IMPG1: variants seen among roughly 807,000 people sequenced by gnomAD.
The protein encoded by IMPG1 is interphotoreceptor matrix proteoglycan of 150 kDa.
Under a neutral mutation model 92.0 loss-of-function variants are expected in IMPG1, and 85 were observed. The observed-to-expected ratio is 0.92, with a 90% CI of 0.78 to 1.11. The LOEUF (loss-of-function observed/expected upper bound fraction) is 1.11. Ranked by LOEUF, IMPG1 falls within the 50% of genes least tolerant of loss-of-function variation. The probability of loss-of-function intolerance (pLI) is 0.00; values close to 1 mark genes in which losing one functional copy is unlikely to be tolerated. For missense variants in IMPG1, 1,022 were observed against 956.0 expected, an observed-to-expected ratio of 1.07 and a Z score of -0.91; for synonymous variants, 367 against 334.1, an observed-to-expected ratio of 1.10 and a Z score of -1.08.
At chr6:76,055,563 A>G (rs1203681897) in intron 1 of IMPG1, among the ~76,000 whole-genome samples, 1 of 151,868 alleles carries the variant, frequency 6.6e-6, no homozygotes, top group African/African-American at 2.4e-5. Context: ...AGAGTAATAA[A>G]ATGTGAAAGA....
chr6:75,996,110 G>GTGCCC (rs1306605857), intron 12 of IMPG1, among the ~76,000 whole-genome samples: 3 of 152,204 alleles, frequency 2.0e-5, no homozygotes, highest in Admixed American at 2.0e-4. Context: ...GTGGCCTACA[G>GTGCCC]TGCCCCTGGA....
Position 76,041,881 on chromosome 6 carries a change from C to T in IMPG1, c.301+12G>A, listed in dbSNP as rs1395757011. ...ATAACACAAGGCTAAACGGTTTCAT[C>T]TCTTTCCTTACCTCTCAATCTATAA... On this transcript the variant is annotated intron_variant, in intron 2 of 16. Coordinates refer to ENST00000369950, the MANE Select transcript of IMPG1 (RefSeq NM_001563.4). The T allele has an allele frequency of 6.5e-6, 10 of 1,541,276 alleles. No homozygotes were observed. In the South Asian group the frequency reaches 1.1e-4, roughly 17 times the overall value.
At chr6:75,969,271 G>A (rs771724137) in intron 12 of IMPG1, among the ~76,000 whole-genome samples, 3 of 152,002 alleles carry the variant, frequency 2.0e-5, no homozygotes, top group Non-Finnish European at 2.9e-5. Flanking sequence ...GCAACGTATT[G>A]TATTTTAAAA....
chr6:76,049,067 A>G (rs1249344512), intron 1 of IMPG1, among the ~76,000 whole-genome samples: 1 of 152,214 alleles, frequency 6.6e-6, no homozygotes, highest in Admixed American at 6.5e-5. Context: ...GTGAAGCTGG[A>G]GGCCATTATC....
intron 2 of IMPG1, among the ~76,000 whole-genome samples, chr6:76,039,102 A>G (rs952448253): frequency 1.3e-5 from 2 of 152,144 alleles, no homozygotes; most frequent in African/African-American, 4.8e-5. Flanking sequence ...GTACAACGGG[A>G]GTGTTGGCTA....
At chr6:75,990,172 A>G (rs1389289405) in intron 12 of IMPG1, among the ~76,000 whole-genome samples, 2 of 152,226 alleles carry the variant, frequency 1.3e-5, no homozygotes, top group East Asian at 3.8e-4. Flanking sequence ...CTGACTTTAG[A>G]TGATATTTAG....
intron 15 of IMPG1, among the ~76,000 whole-genome samples, chr6:75,928,284 C>A (rs1781595224): frequency 6.6e-6 from 1 of 151,958 alleles, no homozygotes; most frequent in Admixed American, 6.6e-5. Flanking sequence ...ACTGCAACCT[C>A]CACCTCCTGG....
chr6:75,986,170 T>G (rs1320256378), intron 12 of IMPG1, among the ~76,000 whole-genome samples: 2 of 152,148 alleles, frequency 1.3e-5, no homozygotes, highest in African/African-American at 4.8e-5. Flanking sequence ...CATTTACATA[T>G]TATCTTGAGT....
At chr6:75,963,951 C>T (rs1782254888) in intron 12 of IMPG1, among the ~76,000 whole-genome samples, 1 of 152,210 alleles carries the variant, frequency 6.6e-6, no homozygotes, top group South Asian at 2.1e-4. Context: ...CAGGCAAATG[C>T]ACTAATTGCT....
rs1562380938 is a variant in IMPG1, at chr6:76,041,984, T to C, written c.210A>G (p.Arg70=). 3.7e-6 allele frequency: 6 copies of C among 1,614,024 alleles called. No homozygotes were observed. Among genetic ancestry groups the C allele is most frequent in the Non-Finnish European group, 4.2e-6 (5 of 1,179,898 alleles). ...TAACCCCCGTTGGGAAAAATGCGGA[T>C]CTTTTTGTTCGATGCTTTGCCAAAT... is the stretch of plus-strand genomic sequence containing the variant. The part of the protein sequence containing the change: ...IFDLAKHRTK[R]SAFFPTGVKV... Residue 70 remains arginine, a synonymous_variant, in exon 2 of 17, where the codon AGA becomes AGG. Transcript: ENST00000369950.
At chr6:75,969,691 C>A (rs1582074423) in intron 12 of IMPG1, among the ~76,000 whole-genome samples, 1 of 152,096 alleles carries the variant, frequency 6.6e-6, no homozygotes, top group East Asian at 1.9e-4. Flanking sequence ...TAAGATCACG[C>A]CACAGTACTC....
At chr6:76,061,568 T>C (rs144954240) in intron 1 of IMPG1, among the ~76,000 whole-genome samples, 208 of 152,352 alleles carry the variant, frequency 1.4e-3, no homozygotes, top group African/African-American at 4.6e-3. Context: ...TCACAGCTAC[T>C]AAAATAATTA....
intron 12 of IMPG1, among the ~76,000 whole-genome samples, chr6:76,000,586 A>G (rs1406106935): frequency 6.6e-6 from 1 of 152,222 alleles, no homozygotes; most frequent in Non-Finnish European, 1.5e-5. Flanking sequence ...TAGGTAGGGT[A>G]TATGAGAAGA....
intron 12 of IMPG1, among the ~76,000 whole-genome samples, chr6:75,959,966 T>G (rs1782189749): frequency 6.6e-6 from 1 of 152,186 alleles, no homozygotes; most frequent in South Asian, 2.1e-4. Context: ...CTGCCCAGTT[T>G]TGTGCTTGAA....
chr6:75,957,770 CT>C (rs1180940148), intron 12 of IMPG1, among the ~76,000 whole-genome samples: 5 of 152,308 alleles, frequency 3.3e-5, no homozygotes, highest in African/African-American at 1.2e-4. Context: ...AAATATTCCC[CT>C]ATCCCTTTAT....
intron 12 of IMPG1, among the ~76,000 whole-genome samples, chr6:75,968,601 A>T (rs1334384779): frequency 6.6e-6 from 1 of 150,538 alleles, no homozygotes; most frequent in Non-Finnish European, 1.5e-5. Context: ...TACTTTCTCC[A>T]TCATTTACTA....
chr6:76,032,695 C>G lies in IMPG1; in HGVS notation c.497+1620G>C, dbSNP rs146936516. On this transcript the variant is annotated intron_variant, in intron 4 of 16. Transcript: ENST00000369950. Reference sequence around the variant, plus strand: ...AACTCAAATAGTCTGTTAAGACATCCTGGTGAGGTGGGATTCCACCTGGAG... The same window carrying G: ...AACTCAAATAGTCTGTTAAGACATCGTGGTGAGGTGGGATTCCACCTGGAG... 4.7e-3 allele frequency among the ~76,000 whole-genome samples: 720 copies of G among 152,170 alleles called. 6 individuals are homozygous for G. Among genetic ancestry groups the G allele is most frequent in the African/African-American group, 0.016 (681 of 41,508 alleles).
chr6:75,982,585 A>C, intron 12 of IMPG1, among the ~76,000 whole-genome samples: 1 of 149,628 alleles, frequency 6.7e-6, no homozygotes, highest in African/African-American at 2.5e-5. Context: ...AGATATATAT[A>C]GATATATATA....
chr6:75,985,986 G>A (rs1201516540), intron 12 of IMPG1, among the ~76,000 whole-genome samples: 2 of 152,114 alleles, frequency 1.3e-5, no homozygotes, highest in East Asian at 1.9e-4. Context: ...AGCCTCACAG[G>A]CCAGGAACCA....
Sources: allele counts gnomAD v4.1 joint callset (sites outside exome capture counted in the v4.1 genomes callset), GRCh38; gene constraint gnomAD v4.1.1; transcripts MANE v1.5; gene names NCBI Gene and HGNC (gene_info 2026-07-23, HGNC 2026-07-21).